The following MAPK6 variants were observed in gnomAD, a reference collection of about 807,000 sequenced individuals.
The protein encoded by MAPK6 is mitogen-activated protein kinase 6.
MAPK6 carries 19 observed loss-of-function variants against 59.3 expected under a neutral mutation model. That is an observed-to-expected ratio of 0.32 (90% CI 0.22 to 0.47). The LOEUF is 0.47. MAPK6 is among the 20% of genes least tolerant of loss of function. The pLI is 1.00. For missense variants in MAPK6, 724 were observed against 847.9 expected (o/e 0.85, Z 1.81); for synonymous variants, 316 against 290.3 (o/e 1.09, Z -0.90).
rs749220898 is a variant in MAPK6, at chr15:52,064,985, G to C, written c.2151G>C (p.Leu717=). 6.2e-7 allele frequency: 1 copy of C among 1,606,790 alleles called. No homozygotes were observed. Among genetic ancestry groups the C allele is most frequent in the Non-Finnish European group, 8.5e-7 (1 of 1,175,992 alleles). Residue 717 remains leucine, a synonymous_variant, in exon 6 of 6, where the codon CTG becomes CTC. Coordinates refer to ENST00000261845, the MANE Select transcript of MAPK6 (RefSeq NM_002748.4). ...CTCATCAAACATACAGCAGCATTCT[G>C]AAACATCTGAACTAAAACACTCAGC... is the stretch of plus-strand genomic sequence containing the variant. ...QIPHQTYSSI[L]KHLN
intron 1 of MAPK6, among the ~76,000 whole-genome samples, chr15:51,981,332 G>A (rs1019685459): frequency 7.9e-5 from 12 of 151,948 alleles, no homozygotes; most frequent in South Asian, 2.1e-4. Flanking sequence ...AATTAGCCGC[G>A]TGTGGTGGCG....
At chr15:52,054,669 T>G (rs1481906297) in intron 3 of MAPK6, among the ~76,000 whole-genome samples, 1 of 151,866 alleles carries the variant, frequency 6.6e-6, no homozygotes, top group Non-Finnish European at 1.5e-5. Flanking sequence ...TTTTGGACCT[T>G]TTTTTTTCAT....
chr15:52,031,300 AC>A, intron 1 of MAPK6, among the ~76,000 whole-genome samples: 1 of 152,352 alleles, frequency 6.6e-6, no homozygotes, highest in East Asian at 1.9e-4. Context: ...GGAGATATGT[AC>A]TATACTTGTC....
At chr15:51,992,427 G>A (rs1050017240) in intron 2 of MAPK6, among the ~76,000 whole-genome samples, 3 of 150,858 alleles carry the variant, frequency 2.0e-5, no homozygotes, top group Admixed American at 6.6e-5. Context: ...TCAGCCTCCC[G>A]GGTAGCTGGA....
intron 2 of MAPK6, among the ~76,000 whole-genome samples, chr15:51,985,550 G>T (rs937140424): frequency 1.3e-5 from 2 of 152,058 alleles, no homozygotes; most frequent in African/African-American, 4.8e-5. Context: ...AGCTACTCAG[G>T]AGGCTGAGGC....
rs1285262122 is a variant in MAPK6 at position 52,023,126 on chromosome 15, AAAC to A, written c.-632+3751_-632+3753del. Among the ~76,000 whole-genome samples the A allele has an allele frequency of 1.1e-3, 166 of 146,568 alleles. 5 individuals carry two copies. Among genetic ancestry groups the A allele is most frequent in the Middle Eastern group, 6.8e-3 (2 of 292 alleles). Reference sequence around the variant, plus strand: ...CGTCTCAAAAAAAAAAAAAAAAAAAAAACCGAAAAACAAACAAAATAACTGGAT... The same window carrying A: ...CGTCTCAAAAAAAAAAAAAAAAAAAACGAAAAACAAACAAAATAACTGGAT... On this transcript the variant is annotated intron_variant, in intron 1 of 5. Coordinates refer to ENST00000261845, the MANE Select transcript of MAPK6 (RefSeq NM_002748.4).
intron 1 of MAPK6, among the ~76,000 whole-genome samples, chr15:52,042,426 A>G (rs1465931284): frequency 1.3e-5 from 2 of 152,160 alleles, no homozygotes; most frequent in South Asian, 2.1e-4. Context: ...CTTCCCTAGT[A>G]TCACTTTTTA....
intron 1 of MAPK6, chr15:52,042,616 C>G (rs1233734152): frequency 1.3e-5 from 2 of 152,126 alleles, no homozygotes; most frequent in Non-Finnish European, 2.9e-5. Flanking sequence ...GCTACAACTC[C>G]TACTATAGTG....
At chr15:51,996,881 G>A (rs2057225972) in intron 2 of MAPK6, among the ~76,000 whole-genome samples, 1 of 152,044 alleles carries the variant, frequency 6.6e-6, no homozygotes, top group African/African-American at 2.4e-5. Context: ...TTCTTATAGT[G>A]ACATAGTCTC....
intron 1 of MAPK6, among the ~76,000 whole-genome samples, chr15:52,041,488 G>A (rs1342009164): frequency 1.3e-5 from 2 of 152,180 alleles, no homozygotes; most frequent in African/African-American, 4.8e-5. Context: ...GAGCCACCGC[G>A]CCCGGCCTTA....
intron 2 of MAPK6, among the ~76,000 whole-genome samples, chr15:51,988,806 A>AG (rs1312596396): frequency 6.6e-6 from 1 of 151,994 alleles, no homozygotes; most frequent in Non-Finnish European, 1.5e-5. Flanking sequence ...AGAGACCAGA[A>AG]GTTAGTTCAT....
At chr15:52,018,205 T>C (rs1384143289), upstream of MAPK6, among the ~76,000 whole-genome samples, 2 of 148,058 alleles carry the variant, frequency 1.4e-5, no homozygotes, top group Non-Finnish European at 3.0e-5. Flanking sequence ...TTTTTGTATT[T>C]TTAGTGGAGA....
intron 1 of MAPK6, among the ~76,000 whole-genome samples, chr15:52,042,552 T>C (rs894185753): frequency 6.6e-6 from 1 of 151,324 alleles, no homozygotes; most frequent in Non-Finnish European, 1.5e-5. Context: ...GGGGGGCAGA[T>C]GTGGATGGGG....
intron 5 of MAPK6, among the ~76,000 whole-genome samples, chr15:52,063,663 G>A (rs2032296749): frequency 1.3e-5 from 2 of 152,096 alleles, no homozygotes; most frequent in Non-Finnish European, 2.9e-5. Flanking sequence ...TGTTTGCATG[G>A]AACTGGTGGA....
intron 1 of MAPK6, among the ~76,000 whole-genome samples, chr15:51,982,222 G>A (rs774733378): frequency 6.6e-6 from 1 of 152,152 alleles, no homozygotes; most frequent in Non-Finnish European, 1.5e-5. Context: ...TTATCCAACT[G>A]GCTGATTTAG....
chr15:52,061,198 T>G, intron 4 of MAPK6, 101 bp from the exon 5 acceptor site: 1 of 845,304 alleles, frequency 1.2e-6, no homozygotes, highest in Non-Finnish European at 2.0e-6. Flanking sequence ...AGTGCTAAGG[T>G]AATCACTTAG....
intron 3 of MAPK6, among the ~76,000 whole-genome samples, chr15:52,057,866 T>C (rs886392958): frequency 2.0e-5 from 3 of 152,240 alleles, no homozygotes; most frequent in African/African-American, 7.2e-5. Context: ...CCATAAGACC[T>C]ACTTTACAGA....
In MAPK6 at chr15:52,050,149, G is replaced by A. The variant is rs1023155065; in HGVS notation, c.700+12G>A. The A allele has an allele frequency of 3.8e-6, 6 of 1,587,520 alleles. No individual in the cohort carries two copies. Among genetic ancestry groups the A allele is most frequent in the Admixed American group, 2.0e-5 (1 of 50,238 alleles). ...AACCCTTTTTGCAGGTTAGTATTTT[G>A]TGGGGGGAAAAATTTTCCCAAAGAG... On this transcript the variant is annotated intron_variant, in intron 3 of 5. Transcript: ENST00000261845.
chr15:52,039,023 G>A (rs1285891415), intron 1 of MAPK6, among the ~76,000 whole-genome samples: 2 of 152,182 alleles, frequency 1.3e-5, no homozygotes, highest in African/African-American at 4.8e-5. Context: ...CAGTAAATCT[G>A]TAACTAGGAG....
Sources: allele counts gnomAD v4.1 joint callset (sites outside exome capture counted in the v4.1 genomes callset), GRCh38; gene constraint gnomAD v4.1.1; transcripts MANE v1.5; gene names NCBI Gene and HGNC (gene_info 2026-07-23, HGNC 2026-07-21).